PDCD6IP: variants seen among roughly 807,000 people sequenced by gnomAD.
PDCD6IP encodes programmed cell death 6 interacting protein.
PDCD6IP carries 43 observed loss-of-function variants against 103.7 expected under a neutral mutation model. That is an observed-to-expected ratio of 0.41 (90% CI 0.32 to 0.53). PDCD6IP has a LOEUF of 0.53. Ranked by LOEUF, PDCD6IP falls within the 20% of genes least tolerant of loss-of-function variation. The pLI is 0.16. For synonymous variants in PDCD6IP, 354 were observed against 378.7 expected, an observed-to-expected ratio of 0.93 and a Z score of 0.76; for missense variants, 871 against 1,036.7, an observed-to-expected ratio of 0.84 and a Z score of 2.20.
At chr3:33,852,890 G>T (rs999302096) in intron 13 of PDCD6IP, among the ~76,000 whole-genome samples, 154 bp downstream of exon 13, 1 of 151,382 alleles carries the variant, frequency 6.6e-6, no homozygotes. Flanking sequence ...AATTAAACTT[G>T]GCACATCAGT....
intron 4 of PDCD6IP, among the ~76,000 whole-genome samples, chr3:33,824,343 C>T (rs930892309): frequency 4.0e-5 from 6 of 151,740 alleles, no homozygotes; most frequent in South Asian, 2.1e-4. Flanking sequence ...CTGCAACCTC[C>T]GCCTCCTGGG....
At chr3:33,835,585 G>T (rs891865174) in intron 7 of PDCD6IP, among the ~76,000 whole-genome samples, 11 of 152,136 alleles carry the variant, frequency 7.2e-5, no homozygotes, top group Non-Finnish European at 1.5e-4. Context: ...TGGTGTGGGG[G>T]TGCACGCTTG....
chr3:33,839,160 G>A (rs1697415300), intron 9 of PDCD6IP, among the ~76,000 whole-genome samples: 1 of 152,150 alleles, frequency 6.6e-6, no homozygotes, highest in African/African-American at 2.4e-5. Flanking sequence ...CTATGATTAA[G>A]TTAGAGAACA....
intron 17 of PDCD6IP, 121 bp from the exon 18 acceptor site, chr3:33,866,230 G>T: frequency 1.6e-6 from 1 of 624,088 alleles, no homozygotes; most frequent in Non-Finnish European, 2.6e-6. Flanking sequence ...TCACTCCACT[G>T]TTCTTTAATA....
intron 10 of PDCD6IP, among the ~76,000 whole-genome samples, chr3:33,843,671 A>G (rs1697523383): frequency 6.6e-6 from 1 of 152,162 alleles, no homozygotes; most frequent in Non-Finnish European, 1.5e-5. Context: ...CTATCCTGTC[A>G]TCTTATCTGT....
At chr3:33,817,550 A>G (rs1696881728) in intron 3 of PDCD6IP, among the ~76,000 whole-genome samples, 1 of 152,064 alleles carries the variant, frequency 6.6e-6, no homozygotes, top group African/African-American at 2.4e-5. Flanking sequence ...GCCCAGGAGT[A>G]CAAGACCAGC....
intron 3 of PDCD6IP, among the ~76,000 whole-genome samples, chr3:33,820,628 A>G (rs1296444644): frequency 2.0e-5 from 3 of 152,224 alleles, no homozygotes; most frequent in East Asian, 3.9e-4. Context: ...TGATTACTCT[A>G]GGTAACTCAT....
chr3:33,804,261 C>T (rs6765320), intron 1 of PDCD6IP, among the ~76,000 whole-genome samples: 39,971 of 152,090 alleles, frequency 0.26, 5,553 homozygotes, highest in East Asian at 0.39. Context: ...TCTCAGGTTC[C>T]GCACAGGAAG....
intron 1 of PDCD6IP, among the ~76,000 whole-genome samples, chr3:33,800,991 C>G (rs982906507): frequency 8.5e-5 from 13 of 152,128 alleles, no homozygotes; most frequent in African/African-American, 2.9e-4. Context: ...AGGTAGTGGA[C>G]CTGTTGTAGA....
chr3:33,814,763 A>G (rs1450705626), intron 3 of PDCD6IP, among the ~76,000 whole-genome samples: 1 of 145,114 alleles, frequency 6.9e-6, no homozygotes, highest in African/African-American at 2.5e-5. Flanking sequence ...ACTTACATAT[A>G]CACACATATA....
intron 1 of PDCD6IP, 114 bp from the exon 2 acceptor site, chr3:33,811,958 A>G: frequency 7.4e-7 from 1 of 1,355,450 alleles, no homozygotes; most frequent in Non-Finnish European, 9.6e-7. Context: ...TTCATATAAA[A>G]TAGCTGCTCA....
At chr3:33,802,736 C>T (rs568924773) in intron 1 of PDCD6IP, among the ~76,000 whole-genome samples, 104 of 152,236 alleles carry the variant, frequency 6.8e-4, no homozygotes, top group Non-Finnish European at 1.2e-3. Flanking sequence ...GTGATCCACC[C>T]GCCTCGGCCT....
At chr3:33,824,622 G>A (rs4592979) in intron 4 of PDCD6IP, among the ~76,000 whole-genome samples, 58,261 of 152,100 alleles carry the variant, frequency 0.38, 12,842 homozygotes, top group African/African-American at 0.61. Context: ...TTTGTTTCAT[G>A]AAAGCAAAGT....
At chr3:33,842,685 A>G (rs905703088) in intron 10 of PDCD6IP, among the ~76,000 whole-genome samples, 9 of 152,152 alleles carry the variant, frequency 5.9e-5, no homozygotes, top group African/African-American at 1.9e-4. Flanking sequence ...TTTAGTGTAG[A>G]AAGTTCCTGT....
chr3:33,846,145 A>C (rs1276496616), intron 12 of PDCD6IP, among the ~76,000 whole-genome samples: 3 of 152,220 alleles, frequency 2.0e-5, no homozygotes, highest in Non-Finnish European at 2.9e-5. Flanking sequence ...ATGACCTATC[A>C]CAGGGAGATA....
At chr3:33,855,070 C>T in intron 14 of PDCD6IP, 96 bp from the exon 15 acceptor site, 1 of 713,124 alleles carries the variant, frequency 1.4e-6, no homozygotes, top group East Asian at 2.6e-5. Context: ...AGTTCTTCGG[C>T]TCTAACTATC....
intron 1 of PDCD6IP, among the ~76,000 whole-genome samples, chr3:33,802,534 G>A (rs1456385737): frequency 6.7e-6 from 1 of 150,024 alleles, no homozygotes; most frequent in East Asian, 2.0e-4. Context: ...TTGTTACCCA[G>A]GCTGGAGTGC....
chr3:33,812,193 A>G, intron 2 of PDCD6IP, 67 bp downstream of exon 2: 4 of 1,546,278 alleles, frequency 2.6e-6, no homozygotes, highest in Non-Finnish European at 3.5e-6. Flanking sequence ...CAATATCTTC[A>G]CTGTCTTTAG....
rs749621179 is a variant in PDCD6IP at position 33,836,230 on chromosome 3, A to T, written c.1021A>T (p.Thr341Ser). 1.2e-6 allele frequency: 2 copies of T among 1,612,010 alleles called. No individual in the cohort carries two copies. Among genetic ancestry groups the T allele is most frequent in the South Asian group, 2.2e-5 (2 of 91,012 alleles). Residue 341 changes from threonine (T) to serine (S), a missense_variant, in exon 8 of 18, where the codon ACC becomes TCC. Transcript: ENST00000307296. ...PIGKATLVKSTPVNVPISQKF... is the reference protein window; with the variant it reads ...PIGKATLVKSSPVNVPISQKF... ...TGGCAAAGCCACACTTGTGAAATCTACCCCGGTCAATGTACCCATCAGTCA... is the reference window on the plus strand; with the variant it reads ...TGGCAAAGCCACACTTGTGAAATCTTCCCCGGTCAATGTACCCATCAGTCA...
Sources: gnomAD v4.1 joint callset for allele counts (sites outside exome capture counted in the v4.1 genomes callset) on GRCh38, gnomAD v4.1.1 for gene constraint, MANE v1.5 for transcripts, NCBI Gene and HGNC (gene_info 2026-07-23, HGNC 2026-07-21) for gene names.